KATNAL1: variants seen among roughly 807,000 people sequenced by gnomAD.
KATNAL1 encodes katanin p60 ATPase-containing subunit A-like 1.
KATNAL1 carries 32 observed loss-of-function variants against 55.2 expected under a neutral mutation model. The ratio of observed to expected loss-of-function variants is 0.58; its 90% confidence interval spans 0.44 to 0.78. KATNAL1 has a LOEUF of 0.78. KATNAL1 is among the 30% of genes least tolerant of loss of function. KATNAL1 has a pLI of 0.00. For synonymous variants in KATNAL1, 193 were observed against 193.6 expected (o/e 1.00, Z 0.02); for missense variants, 466 against 600.9 (o/e 0.78, Z 2.35).
intron 9 of KATNAL1, among the ~76,000 whole-genome samples, chr13:30,221,880 T>C (rs1023285669): frequency 4.6e-5 from 7 of 152,080 alleles, no homozygotes; most frequent in African/African-American, 1.7e-4. Flanking sequence ...GAGGAAACCC[T>C]GTCTCTATTA....
intron 4 of KATNAL1, among the ~76,000 whole-genome samples, chr13:30,244,752 C>CTATACTATACTAT (rs1877616931): frequency 6.6e-6 from 1 of 152,146 alleles, no homozygotes. Flanking sequence ...AAACTACCAT[C>CTATACTATACTAT]AGAGAATACT....
At chr13:30,303,265 AT>A (rs530617949) in intron 1 of KATNAL1, among the ~76,000 whole-genome samples, 2 of 152,072 alleles carry the variant, frequency 1.3e-5, no homozygotes, top group Non-Finnish European at 2.9e-5. Flanking sequence ...AAACTACTCC[AT>A]TTTTTTTAAA....
At chr13:30,267,069 C>T (rs1380287844) in intron 3 of KATNAL1, among the ~76,000 whole-genome samples, 1 of 152,132 alleles carries the variant, frequency 6.6e-6, no homozygotes, top group African/African-American at 2.4e-5. Context: ...AACTACTAAA[C>T]CTTTCACTAA....
intron 3 of KATNAL1, among the ~76,000 whole-genome samples, chr13:30,271,659 A>G (rs915566717): frequency 6.6e-6 from 1 of 152,138 alleles, no homozygotes; most frequent in Non-Finnish European, 1.5e-5. Flanking sequence ...AGAGATTACA[A>G]TTCAACATGA....
At chr13:30,234,178 A>G (rs905972496) in intron 6 of KATNAL1, among the ~76,000 whole-genome samples, 1 of 152,226 alleles carries the variant, frequency 6.6e-6, no homozygotes, top group Non-Finnish European at 1.5e-5. Flanking sequence ...AAGTATGTAC[A>G]TCTGTTATGT....
At chr13:30,304,457 A>G (rs1188180319) in intron 1 of KATNAL1, among the ~76,000 whole-genome samples, 1 of 151,812 alleles carries the variant, frequency 6.6e-6, no homozygotes, top group African/African-American at 2.4e-5. Context: ...TTTAGGAGAA[A>G]CGAGGTTTCA....
chr13:30,278,556 A>C (rs1256627064), intron 3 of KATNAL1, among the ~76,000 whole-genome samples: 1 of 152,206 alleles, frequency 6.6e-6, no homozygotes, highest in African/African-American at 2.4e-5. Flanking sequence ...CTTTTTATTC[A>C]GTTTGAGCCA....
intron 3 of KATNAL1, among the ~76,000 whole-genome samples, chr13:30,266,012 CAAA>C (rs776557665): frequency 0.045 from 1,587 of 35,246 alleles, 8 homozygotes; most frequent in Non-Finnish European, 0.064. Context: ...AACTCCATCT[CAAA>C]AAAAAAAAAA....
At chr13:30,241,511 T>C (rs1260968454) in intron 4 of KATNAL1, among the ~76,000 whole-genome samples, 2 of 152,188 alleles carry the variant, frequency 1.3e-5, no homozygotes, top group Non-Finnish European at 2.9e-5. Flanking sequence ...AATAATATAG[T>C]TGTTTTAAAA....
chr13:30,210,697 A>G (rs1873612541), intron 9 of KATNAL1: 1 of 270,374 alleles, frequency 3.7e-6, no homozygotes, highest in Non-Finnish European at 6.8e-6. Flanking sequence ...GGTTTTCTTT[A>G]AAGACTGTGA....
In KATNAL1 at chr13:30,255,473, A is replaced by G. The variant is rs1878693719; in HGVS notation, c.466T>C (p.Tyr156His). 1.9e-6 allele frequency: 3 copies of G among 1,585,490 alleles called. No homozygotes were observed. The highest frequency in any genetic ancestry group is 1.1e-5 in the South Asian group (1 of 87,630). ...EKPSTSRDKD[Y>H]RARGRDDKGR... ...TTGTCATCTCTCCCTCTTGCTCTAT[A>G]GTCCTTGTCCCTACTTGTAGAAGGC... is the stretch of plus-strand genomic sequence containing the variant. The change falls in exon 4 of 11, where the codon TAT (tyrosine) becomes CAT (histidine). Residue 156 changes from tyrosine to histidine, a missense_variant. Tyr to His is a moderately conservative substitution (Grantham distance 83, BLOSUM62 2). This residue lies in a region of KATNAL1 where 248 missense variants were observed against 275.5 expected (regional missense o/e 0.90). Coordinates refer to ENST00000380615, the MANE Select transcript of KATNAL1 (RefSeq NM_032116.5).
chr13:30,296,390 A>G, intron 1 of KATNAL1: 1 of 1,092,382 alleles, frequency 9.2e-7, no homozygotes, highest in Non-Finnish European at 1.4e-6. Flanking sequence ...CTCTCAGTTC[A>G]CCCACCTGGC....
In KATNAL1 at chr13:30,246,757, A is replaced by G. The variant is rs145906600; in HGVS notation, c.493-5671T>C. Among the ~76,000 whole-genome samples the G allele has an allele frequency of 1.2e-3, 178 of 152,320 alleles. 1 individual carries two copies. Among genetic ancestry groups the G allele is most frequent in the African/African-American group, 4.1e-3 (169 of 41,550 alleles). ...AGGATATGAACAGACACTTCTCAAAAGAAGATATTTATGTGGCCAACAAAC... is the reference window on the plus strand; with the variant it reads ...AGGATATGAACAGACACTTCTCAAAGGAAGATATTTATGTGGCCAACAAAC... On this transcript the variant is annotated intron_variant, in intron 4 of 10. Transcript: ENST00000380615.
At chr13:30,226,699 C>T (rs1326977389) in intron 9 of KATNAL1, among the ~76,000 whole-genome samples, 2 of 152,172 alleles carry the variant, frequency 1.3e-5, no homozygotes, top group Non-Finnish European at 2.9e-5. Context: ...TACTTAAGTA[C>T]ATTTCATTGT....
Position 30,240,513 on chromosome 13 carries a change from C to A in KATNAL1, c.673G>T (p.Val225Phe). ...EAKKLLREAV[V>F]LPMWMPDFFK... ...AAGTCAGGCATCCACATTGGAAGAA[C>A]AACAGCTTCCCTTAGCAACTTCTTA... The change falls in exon 6 of 11, where the codon GTT becomes TTT. Residue 225 changes from valine (V) to phenylalanine (F), a missense_variant. This residue lies in a region of KATNAL1 where 248 missense variants were observed against 275.5 expected (regional missense o/e 0.90). Transcript: ENST00000380615. 6.2e-7 allele frequency: 1 copy of A among 1,613,872 alleles called. No individual in the cohort carries two copies. Among genetic ancestry groups the A allele is most frequent in the Admixed American group, 1.7e-5 (1 of 60,018 alleles).
At chr13:30,299,477 A>T (rs962827911) in intron 1 of KATNAL1, among the ~76,000 whole-genome samples, 1 of 152,122 alleles carries the variant, frequency 6.6e-6, no homozygotes, top group Admixed American at 6.5e-5. Flanking sequence ...TCTGAAAAAA[A>T]GAAATCAACT....
chr13:30,221,732 G>T (rs1366895081), intron 9 of KATNAL1, among the ~76,000 whole-genome samples: 4 of 152,154 alleles, frequency 2.6e-5, no homozygotes, highest in Non-Finnish European at 5.9e-5. Flanking sequence ...AACTTGGCTG[G>T]GCAATGGTGC....
intron 3 of KATNAL1, among the ~76,000 whole-genome samples, chr13:30,256,669 G>T (rs935247622): frequency 6.6e-6 from 1 of 151,370 alleles, no homozygotes; most frequent in Admixed American, 6.6e-5. Context: ...CATGAAGGTT[G>T]CAAACTAAGG....
intron 4 of KATNAL1, among the ~76,000 whole-genome samples, chr13:30,254,441 G>A (rs773121460): frequency 1.3e-5 from 2 of 152,058 alleles, no homozygotes; most frequent in Non-Finnish European, 2.9e-5. Flanking sequence ...GAGGCAGGGA[G>A]GTAGAATATG....
Sources: allele counts gnomAD v4.1 joint callset (sites outside exome capture counted in the v4.1 genomes callset), GRCh38; gene constraint gnomAD v4.1.1; regional missense constraint gnomAD v4.1.1; transcripts MANE v1.5; gene names NCBI Gene and HGNC (gene_info 2026-07-23, HGNC 2026-07-21).